Variants in SBNO1 observed in about 807,000 individuals in gnomAD.
SBNO1 encodes strawberry notch homolog 1, also known as protein strawberry notch homolog 1.
A neutral mutation model predicts 173.6 loss-of-function variants in SBNO1; 23 were observed. The observed-to-expected ratio is 0.13, with a 90% CI of 0.10 to 0.19. The LOEUF is 0.19. Ranked by LOEUF, SBNO1 falls within the 10% of genes least tolerant of loss-of-function variation. The pLI, the probability that SBNO1 is intolerant of heterozygous loss-of-function variation, is 1.00. For missense variants in SBNO1, 1,238 were observed against 1,671.2 expected (o/e 0.74, Z 4.52); for synonymous variants, 632 against 571.5 (o/e 1.11, Z -1.51).
chr12:123,299,507 C>A (rs1311517808), intron 30 of SBNO1, among the ~76,000 whole-genome samples: 2 of 151,060 alleles, frequency 1.3e-5, no homozygotes, highest in Non-Finnish European at 2.9e-5. Flanking sequence ...TGGTGAAACC[C>A]CGTCTCTACT....
Position 123,324,244 on chromosome 12 carries a change from G to A in SBNO1, c.1974-413C>T, listed in dbSNP as rs551359821. Among the ~76,000 whole-genome samples the A allele has an allele frequency of 1.1e-4, 17 of 151,734 alleles. No homozygotes were observed. In the South Asian group the frequency reaches 2.7e-3, roughly 24 times the overall value. On this transcript the variant is annotated intron_variant, in intron 15 of 31. Transcript: ENST00000602398. Reference sequence around the variant, plus strand: ...TGCTCAATAGCCACATGTGACAAGCGGCTGCCATTCTGGACACGGTAGTTC... The same window carrying A: ...TGCTCAATAGCCACATGTGACAAGCAGCTGCCATTCTGGACACGGTAGTTC...
At chr12:123,329,503 C>T (rs1870959081) in intron 9 of SBNO1, among the ~76,000 whole-genome samples, 2 of 151,494 alleles carry the variant, frequency 1.3e-5, no homozygotes, top group African/African-American at 4.9e-5. Flanking sequence ...ATTTATTGTG[C>T]ACTTACTATA....
In SBNO1 at chr12:123,292,644, G is replaced by T. The variant is rs1207997157; in HGVS notation, c.*3264C>A. On this transcript the variant is annotated 3_prime_UTR_variant, in exon 32 of 32. Transcript: ENST00000602398. ...ATATAGAAATTTTACCTCTACAGAT[G>T]AGGCAAACTAAAATATTGTTGTAAC... 1.3e-5 allele frequency: 2 copies of T among 152,088 alleles called. No individual in the cohort carries two copies. Among genetic ancestry groups the T allele is most frequent in the Non-Finnish European group, 2.9e-5 (2 of 68,028 alleles). The allele number at this position is 152,088 out of a possible 1,614,324, so 9.4% of individuals were successfully genotyped here. A position where few individuals can be genotyped will look rare whatever the true frequency, so the allele number is the denominator to read the frequency against.
At position 123,302,842 on chromosome 12, in the gene SBNO1, G is replaced by C. The variant is rs1481555285; in HGVS notation, c.3827C>G (p.Thr1276Ser). The C allele has an allele frequency of 6.2e-7, 1 of 1,613,100 alleles. No individual in the cohort carries two copies. The highest frequency in any genetic ancestry group is 8.5e-7 in the Non-Finnish European group (1 of 1,179,368). Residue 1276 changes from threonine (T) to serine (S), a missense_variant, in exon 30 of 32, where the codon ACT (threonine) becomes AGT (serine). Transcript: ENST00000602398. ...TACTAACCAATAAGCATGAGTACAAGTATCTGCAGATGAATTATACTGATC... is the reference window on the plus strand; with the variant it reads ...TACTAACCAATAAGCATGAGTACAACTATCTGCAGATGAATTATACTGATC... ...WLDQYNSSADTCTHAYWRGNC... is the reference protein window; with the variant it reads ...WLDQYNSSADSCTHAYWRGNC...
At position 123,364,745 on chromosome 12, in the gene SBNO1, G is replaced by T. The variant is rs929811843; in HGVS notation, c.-45C>A. Reference sequence around the variant, plus strand: ...GCCAGCACAGCTCCTCCCGGGAGGTGTGAGTTTGAAGGACCAGAGGCGACT... The same window carrying T: ...GCCAGCACAGCTCCTCCCGGGAGGTTTGAGTTTGAAGGACCAGAGGCGACT... On this transcript the variant is annotated 5_prime_UTR_variant, in exon 1 of 32. Transcript: ENST00000602398. 3 of 987,788 alleles carry T rather than the reference G, an allele frequency of 3.0e-6. No homozygotes were observed. Among genetic ancestry groups the T allele is most frequent in the Admixed American group, 6.1e-5 (1 of 16,276 alleles). The allele number at this position is 987,788 out of a possible 1,614,324, so 61.2% of individuals were successfully genotyped here.
rs767667897 is a variant in SBNO1 at position 123,313,746 on chromosome 12, C to A, written c.3121-27G>T. ...TGCAAAAAAAAATCAAAACCTTTAA[C>A]CAGTTTCAGCATTTGGATACTCTTC... On this transcript the variant is annotated intron_variant, in intron 23 of 31. Transcript: ENST00000602398. 2.9e-6 allele frequency: 4 copies of A among 1,359,146 alleles called. No individual in the cohort carries two copies. The African/African-American group carries it at 4.3e-5, about 15-fold the overall frequency. 84.2% of individuals were successfully genotyped at this position (1,359,146 alleles called of 1,614,324 possible).
intron 9 of SBNO1, among the ~76,000 whole-genome samples, chr12:123,329,738 C>T (rs1483187513): frequency 6.6e-6 from 1 of 152,132 alleles, no homozygotes; most frequent in Non-Finnish European, 1.5e-5. Context: ...CTGAATTCAA[C>T]TTAGGACTCA....
chr12:123,325,990 A>G (rs1311871488), intron 14 of SBNO1, among the ~76,000 whole-genome samples, 162 bp downstream of exon 14: 2 of 152,204 alleles, frequency 1.3e-5, no homozygotes, highest in Non-Finnish European at 2.9e-5. Flanking sequence ...AACTCTCTAA[A>G]TTCTCTAAGC....
chr12:123,322,881 CAAA>C (rs869045259), intron 16 of SBNO1, among the ~76,000 whole-genome samples: 3 of 104,118 alleles, frequency 2.9e-5, no homozygotes, highest in South Asian at 3.1e-4. Flanking sequence ...GACCCTGTCT[CAAA>C]AAAAAAAAAG....
At chr12:123,302,740 G>A in intron 30 of SBNO1, 84 bp downstream of exon 30, 1 of 847,086 alleles carries the variant, frequency 1.2e-6, no homozygotes, top group Non-Finnish European at 2.0e-6. Context: ...GTTAATTCAT[G>A]AGGACATACT....
intron 1 of SBNO1, among the ~76,000 whole-genome samples, chr12:123,360,246 C>G (rs889372335): frequency 7.1e-6 from 1 of 140,748 alleles, no homozygotes; most frequent in African/African-American, 2.6e-5. Context: ...AACACCATCT[C>G]AAAAAAAAAA....
intron 6 of SBNO1, among the ~76,000 whole-genome samples, chr12:123,334,964 G>T (rs192274845): frequency 8.5e-5 from 13 of 152,298 alleles, no homozygotes; most frequent in African/African-American, 3.1e-4. Flanking sequence ...CAAAGCAGGA[G>T]TATCATTTGA....
At position 123,327,923 on chromosome 12, in the gene SBNO1, T is replaced by C; in HGVS notation, c.1401A>G (p.Pro467=). Residue 467 remains proline, a synonymous_variant, in exon 11 of 32, where the codon CCA becomes CCG. Transcript: ENST00000602398. ...LAVLELQNKL[P]KARVVYASAT... ...CACTAGCATAAACAACTCTGGCTTT[T>C]GGCAATTTGTTCTGAAGCTCTAAAA... The C allele has an allele frequency of 1.2e-6, 2 of 1,612,866 alleles. No individual in the cohort carries two copies. Among genetic ancestry groups the C allele is most frequent in the South Asian group, 1.1e-5 (1 of 90,884 alleles).
At chr12:123,341,746 T>G (rs1239206996) in intron 4 of SBNO1, among the ~76,000 whole-genome samples, 2 of 151,872 alleles carry the variant, frequency 1.3e-5, no homozygotes, top group Non-Finnish European at 2.9e-5. Flanking sequence ...CAGGCTGGTC[T>G]TGAACTCCCA....
Position 123,334,090 on chromosome 12 carries a change from G to A in SBNO1, c.872C>T (p.Ser291Leu), listed in dbSNP as rs752379946. 1 of 1,601,630 alleles carries A rather than the reference G, an allele frequency of 6.2e-7. No individual in the cohort carries two copies. The change falls in exon 7 of 32, where the codon TCA becomes TTA. Residue 291 changes from serine (S) to leucine (L), a missense_variant. Coordinates refer to ENST00000602398, the MANE Select transcript of SBNO1 (RefSeq NM_001167856.3). Reference sequence around the variant, plus strand: ...TGTAATTGCCTCAAGCTGCAATGCTGATAACCAGCCATTATCAATGGTTTC... The same window carrying A: ...TGTAATTGCCTCAAGCTGCAATGCTAATAACCAGCCATTATCAATGGTTTC... ...SEETIDNGWL[S>L]ALQLEAITYA...
chr12:123,311,378 CTT>C (rs1868481316), intron 24 of SBNO1, among the ~76,000 whole-genome samples: 1 of 151,986 alleles, frequency 6.6e-6, no homozygotes, highest in Non-Finnish European at 1.5e-5. Flanking sequence ...TGTTAAGATT[CTT>C]TTCTTTTTTT....
chr12:123,347,162 G>A (rs1873270405), intron 3 of SBNO1, among the ~76,000 whole-genome samples: 3 of 151,590 alleles, frequency 2.0e-5, no homozygotes. Flanking sequence ...GCGGCAAAAA[G>A]CAGAACTAGA....
At chr12:123,319,257 G>A (rs1215925536) in intron 20 of SBNO1, among the ~76,000 whole-genome samples, 1 of 150,960 alleles carries the variant, frequency 6.6e-6, no homozygotes. Flanking sequence ...GAGCCACCAC[G>A]CCTGGAGAAA....
At position 123,321,719 on chromosome 12, in the gene SBNO1, A is replaced by G; in HGVS notation, c.2139T>C (p.Thr713=). 1 of 1,614,068 alleles carries G rather than the reference A, an allele frequency of 6.2e-7. No individual in the cohort carries two copies. The highest frequency in any genetic ancestry group is 8.5e-7 in the Non-Finnish European group (1 of 1,180,000). ...CTTTTCGTGCTTTTTTGGCTTCTCG[A>G]GTTATTTCTTCACCTACCCTCCGCC... ...KIKKRKGEEI[T]REAKKARKVG... is the part of the protein sequence containing the mutation. Residue 713 remains threonine (T), a synonymous_variant, in exon 17 of 32, where the codon ACT becomes ACC. Coordinates refer to ENST00000602398, the MANE Select transcript of SBNO1 (RefSeq NM_001167856.3).
Sources: gnomAD v4.1 joint callset for allele counts (sites outside exome capture counted in the v4.1 genomes callset) on GRCh38, gnomAD v4.1.1 for gene constraint, MANE v1.5 for transcripts, NCBI Gene and HGNC (gene_info 2026-07-23, HGNC 2026-07-21) for gene names.